The following GLYATL3 variants were observed in gnomAD, a reference collection of about 807,000 sequenced individuals.
GLYATL3 encodes glycine-N-acyltransferase like 3.
A neutral mutation model predicts 28.5 loss-of-function variants in GLYATL3; 31 were observed. The observed-to-expected ratio is 1.09, with a 90% confidence interval of 0.82 to 1.47. The LOEUF is 1.47. Among genes scored for constraint, GLYATL3 ranks in the 40% most tolerant of loss-of-function variants. GLYATL3 has a pLI of 0.00. For synonymous variants in GLYATL3, 141 were observed against 140.2 expected, an observed-to-expected ratio of 1.01 and a Z score of -0.04; for missense variants, 369 against 351.5, an observed-to-expected ratio of 1.05 and a Z score of -0.40.
chr6:49,521,748 ATC>A lies in GLYATL3; in HGVS notation c.421_422del (p.Leu141AlafsTer34). On this transcript the variant is annotated frameshift_variant, in exon 5 of 6. Transcript: ENST00000371197. LOFTEE classifies it high-confidence loss of function. ...AGGCTGTTCATTTTTCTCCTGTTTC[ATC>A]TCTGCCAGATACCAGTTTCCTGTAT... The part of the protein sequence containing the change: ...FKAVHFSPVS[S>X]LPDTSFLKGP... The A allele has an allele frequency of 6.4e-7, 1 of 1,551,520 alleles. No individual in the cohort carries two copies. The highest frequency in any genetic ancestry group is 1.4e-5 in the African/African-American group (1 of 73,158).
At chr6:49,503,224 T>G (rs550976179) in intron 1 of GLYATL3, among the ~76,000 whole-genome samples, 22 of 152,342 alleles carry the variant, frequency 1.4e-4, no homozygotes, top group Non-Finnish European at 2.8e-4. Context: ...ATTGACCTTT[T>G]GACGATTGCC....
At chr6:49,514,339 A>T (rs1287316545) in intron 2 of GLYATL3, among the ~76,000 whole-genome samples, 1 of 152,172 alleles carries the variant, frequency 6.6e-6, no homozygotes, top group East Asian at 1.9e-4. Flanking sequence ...TGTGAAATTA[A>T]TTTCATTGCT....
chr6:49,515,639 G>T lies in GLYATL3; in HGVS notation c.79-14G>T. 1 of 1,468,700 alleles carries T rather than the reference G, an allele frequency of 6.8e-7. No individual in the cohort carries two copies. 91.0% of individuals were successfully genotyped at this position (1,468,700 alleles called of 1,614,324 possible). On this transcript the variant is annotated splice_polypyrimidine_tract_variant and intron_variant, in intron 2 of 5. Transcript: ENST00000371197. The stretch of plus-strand genomic sequence containing the variant: ...AATAGTATGATTGGCTTGTCTCTGG[G>T]TTATCTGACTCAGGTTTACGGAGCG...
intron 2 of GLYATL3, among the ~76,000 whole-genome samples, chr6:49,513,365 T>G (rs532308686): frequency 6.6e-6 from 1 of 152,138 alleles, no homozygotes; most frequent in East Asian, 1.9e-4. Context: ...TTTGAATAAA[T>G]AGCTATTGGA....
intron 1 of GLYATL3, among the ~76,000 whole-genome samples, chr6:49,509,266 G>T (rs1769070894): frequency 6.6e-6 from 1 of 152,138 alleles, no homozygotes; most frequent in South Asian, 2.1e-4. Context: ...ATTGTTCCAA[G>T]TAGAAATACA....
At chr6:49,512,436 T>A (rs746650375) in intron 2 of GLYATL3, among the ~76,000 whole-genome samples, 16 of 152,104 alleles carry the variant, frequency 1.1e-4, no homozygotes, top group Non-Finnish European at 2.1e-4. Context: ...TTTGTCCTAA[T>A]GCTCTCCCTC....
chr6:49,519,910 G>T (rs949177825), intron 4 of GLYATL3, among the ~76,000 whole-genome samples: 1 of 152,170 alleles, frequency 6.6e-6, no homozygotes, highest in East Asian at 1.9e-4. Flanking sequence ...TTGCACTGAC[G>T]TGAAAAAGAT....
intron 3 of GLYATL3, among the ~76,000 whole-genome samples, chr6:49,516,448 GGAA>G (rs1406319849): frequency 6.6e-6 from 1 of 152,016 alleles, no homozygotes; most frequent in East Asian, 1.9e-4. Flanking sequence ...GTGGGTATTT[GGAA>G]GAAGAGTGAA....
At chr6:49,517,246 A>G (rs1204029037) in intron 3 of GLYATL3, among the ~76,000 whole-genome samples, 184 bp from the exon 4 acceptor site, 1 of 151,912 alleles carries the variant, frequency 6.6e-6, no homozygotes, top group Non-Finnish European at 1.5e-5. Context: ...ACACAACTTC[A>G]TTTTCCCCTC....
At chr6:49,523,454 C>T (rs1316375834) in intron 5 of GLYATL3, among the ~76,000 whole-genome samples, 2 of 152,120 alleles carry the variant, frequency 1.3e-5, no homozygotes, top group South Asian at 4.1e-4. Flanking sequence ...TTCCTAGACT[C>T]GCAGAAGGAA....
intron 2 of GLYATL3, 63 bp from the exon 3 acceptor site, chr6:49,515,590 C>A (rs957473819): frequency 4.4e-6 from 4 of 907,784 alleles, no homozygotes; most frequent in East Asian, 2.6e-5. Flanking sequence ...GAGGTAAAGA[C>A]GATAATATGT....
chr6:49,514,245 T>A, intron 2 of GLYATL3, among the ~76,000 whole-genome samples: 1 of 152,208 alleles, frequency 6.6e-6, no homozygotes, highest in Non-Finnish European at 1.5e-5. Context: ...ATAATTTAGT[T>A]GTGCCTGTTT....
rs184842172 is a variant in GLYATL3, at chr6:49,524,032, C to G, written c.440+2261C>G. Among the ~76,000 whole-genome samples the G allele has an allele frequency of 2.3e-4, 35 of 150,192 alleles. 1 individual carries two copies. In the East Asian group the frequency reaches 6.0e-3, roughly 26 times the overall value. On this transcript the variant is annotated intron_variant, in intron 5 of 5. Transcript: ENST00000371197. ...TTTTTTTTCTTAACTTCCCACACAA[C>G]ACTGATGCAAACAATTTGCCTTTAA...
chr6:49,500,452 G>A (rs1232462539), intron 1 of GLYATL3, among the ~76,000 whole-genome samples: 2 of 152,028 alleles, frequency 1.3e-5, no homozygotes, highest in East Asian at 3.8e-4. Flanking sequence ...TGTAAATATT[G>A]TATTACATTA....
intron 4 of GLYATL3, among the ~76,000 whole-genome samples, chr6:49,518,951 G>GA (rs1253278584): frequency 6.8e-6 from 1 of 146,570 alleles, no homozygotes; most frequent in East Asian, 2.0e-4. Context: ...AAAAAAAAAA[G>GA]AAAAAAATTA....
At chr6:49,513,626 A>G (rs749196928) in intron 2 of GLYATL3, among the ~76,000 whole-genome samples, 6 of 152,220 alleles carry the variant, frequency 3.9e-5, no homozygotes, top group Non-Finnish European at 7.3e-5. Context: ...CAGAACAAAC[A>G]TGACCCTTCC....
In GLYATL3 at chr6:49,527,177, G is replaced by T. The variant is rs1769437419; in HGVS notation, c.*263G>T. On this transcript the variant is annotated 3_prime_UTR_variant, in exon 6 of 6. Coordinates refer to ENST00000371197, the MANE Select transcript of GLYATL3 (RefSeq NM_001010904.2). ...CTGTAGGATCCACTGTAGGAGAATA[G>T]GTTCTAAAGCCAGCAGTTTTAGTGT... The T allele has an allele frequency of 1.0e-5, 4 of 401,446 alleles. 1 individual carries two copies. Among genetic ancestry groups the T allele is most frequent in the Middle Eastern group, 1.3e-3 (2 of 1,558 alleles). The allele number at this position is 401,446 out of a possible 1,614,324, so 24.9% of individuals were successfully genotyped here.
intron 5 of GLYATL3, among the ~76,000 whole-genome samples, chr6:49,524,640 A>G (rs1343905532): frequency 6.6e-6 from 1 of 152,166 alleles, no homozygotes; most frequent in East Asian, 1.9e-4. Flanking sequence ...GGAAAAGTTG[A>G]AGGTTGGTAC....
intron 1 of GLYATL3, among the ~76,000 whole-genome samples, chr6:49,503,035 T>C: frequency 6.6e-6 from 1 of 152,198 alleles, no homozygotes; most frequent in African/African-American, 2.4e-5. Flanking sequence ...TATGGTGGTT[T>C]AACACAACTT....
Sources: allele counts gnomAD v4.1 joint callset (sites outside exome capture counted in the v4.1 genomes callset), GRCh38; gene constraint gnomAD v4.1.1; transcripts MANE v1.5; gene names NCBI Gene and HGNC (gene_info 2026-07-23, HGNC 2026-07-21).